Variants in TSHZ2 observed in about 807,000 individuals in gnomAD.
TSHZ2 encodes teashirt zinc finger homeobox 2.
Under a neutral mutation model 74.4 loss-of-function variants are expected in TSHZ2, and 21 were observed. The ratio of observed to expected loss-of-function variants is 0.28; its 90% CI spans 0.20 to 0.41. The LOEUF is 0.41. Ranked by LOEUF, TSHZ2 falls within the 10% of genes least tolerant of loss-of-function variation. TSHZ2 has a pLI of 1.00. For missense variants in TSHZ2, 1,244 were observed against 1,293.5 expected, an observed-to-expected ratio of 0.96 and a Z score of 0.59; for synonymous variants, 540 against 515.3, an observed-to-expected ratio of 1.05 and a Z score of -0.65.
chr20:53,309,004 G>T lies in TSHZ2; in HGVS notation c.*8+52433G>T, dbSNP rs541286981. On this transcript the variant is annotated intron_variant, in intron 2 of 2. Coordinates refer to ENST00000371497, the MANE Select transcript of TSHZ2 (RefSeq NM_173485.6). Reference sequence around the variant, plus strand: ...GAACTCAGGGGGCAAAAGACTGAAGGCCATTCAGGTTCTTCACATGAAGGG... The same window carrying T: ...GAACTCAGGGGGCAAAAGACTGAAGTCCATTCAGGTTCTTCACATGAAGGG... Among the ~76,000 whole-genome samples, 4 of 152,336 alleles carry T rather than the reference G, an allele frequency of 2.6e-5. No homozygotes were observed. The East Asian group carries it at 7.7e-4, about 29-fold the overall frequency.
At chr20:53,023,290 G>T (rs1285676951) in intron 1 of TSHZ2, among the ~76,000 whole-genome samples, 1 of 152,148 alleles carries the variant, frequency 6.6e-6, no homozygotes, top group Non-Finnish European at 1.5e-5. Flanking sequence ...CTATCCCATA[G>T]TCAGAGATAT....
At chr20:53,028,989 C>A (rs1223253705) in intron 1 of TSHZ2, among the ~76,000 whole-genome samples, 1 of 152,170 alleles carries the variant, frequency 6.6e-6, no homozygotes, top group Non-Finnish European at 1.5e-5. Context: ...TTAGTTCATT[C>A]AAAACTATGC....
chr20:53,100,648 A>G (rs1986190853), intron 1 of TSHZ2, among the ~76,000 whole-genome samples: 1 of 152,136 alleles, frequency 6.6e-6, no homozygotes, highest in Non-Finnish European at 1.5e-5. Flanking sequence ...TGATTTCACA[A>G]AAGGGTCAAA....
At chr20:53,040,733 T>C (rs1468029760) in intron 1 of TSHZ2, among the ~76,000 whole-genome samples, 1 of 152,128 alleles carries the variant, frequency 6.6e-6, no homozygotes, top group Admixed American at 6.5e-5. Flanking sequence ...GGGGACTTAG[T>C]GTCCACCCTT....
intron 1 of TSHZ2, among the ~76,000 whole-genome samples, chr20:53,137,871 G>T (rs1308637267): frequency 1.3e-5 from 2 of 152,084 alleles, no homozygotes; most frequent in African/African-American, 4.8e-5. Context: ...ACATACAAAT[G>T]AATACATTTC....
rs182308913 is a variant in TSHZ2, at chr20:53,377,883, G to C, written c.*9-109261G>C. Reference sequence around the variant, plus strand: ...GTCTCAAAAAAACAAAAGGCTACTGGCCAAGTCCCGTGGCCAGAGTTTGCT... The same window carrying C: ...GTCTCAAAAAAACAAAAGGCTACTGCCCAAGTCCCGTGGCCAGAGTTTGCT... On this transcript the variant is annotated intron_variant, in intron 2 of 2. Coordinates refer to ENST00000371497, the MANE Select transcript of TSHZ2 (RefSeq NM_173485.6). 9.5e-4 allele frequency among the ~76,000 whole-genome samples: 144 copies of C among 151,780 alleles called. 2 individuals are homozygous for C. Among genetic ancestry groups the C allele is most frequent in the Middle Eastern group, 3.4e-3 (1 of 292 alleles).
intron 1 of TSHZ2, among the ~76,000 whole-genome samples, chr20:52,989,811 TTTTAAAAGATTGTGTAAA>T (rs1312430331): frequency 6.6e-6 from 1 of 152,128 alleles, no homozygotes; most frequent in Non-Finnish European, 1.5e-5. Context: ...TCGTATATGT[TTTTAAAAGATTGTGTAAA>T]TAGTTTCACA....
At chr20:53,404,503 T>C (rs1047270124) in intron 2 of TSHZ2, among the ~76,000 whole-genome samples, 1 of 152,202 alleles carries the variant, frequency 6.6e-6, no homozygotes, top group Non-Finnish European at 1.5e-5. Context: ...AACAACCTAA[T>C]AAAAATATTA....
At chr20:53,003,799 A>G (rs1386179593) in intron 1 of TSHZ2, among the ~76,000 whole-genome samples, 1 of 152,212 alleles carries the variant, frequency 6.6e-6, no homozygotes, top group Non-Finnish European at 1.5e-5. Flanking sequence ...TTAATATTTC[A>G]TCTTGGGGAC....
chr20:53,249,299 T>C (rs1990271347), intron 1 of TSHZ2, among the ~76,000 whole-genome samples: 1 of 152,244 alleles, frequency 6.6e-6, no homozygotes, highest in Admixed American at 6.5e-5. Context: ...TCCTTTTTAC[T>C]GTGTAATCTA....
chr20:53,101,659 A>G (rs1287379834), intron 1 of TSHZ2, among the ~76,000 whole-genome samples: 1 of 152,266 alleles, frequency 6.6e-6, no homozygotes, highest in East Asian at 1.9e-4. Context: ...ATTATATTCT[A>G]TTGAGTCACA....
Position 53,261,305 on chromosome 20 carries a change from G to A in TSHZ2, c.*8+4734G>A, listed in dbSNP as rs559138335. Among the ~76,000 whole-genome samples the A allele has an allele frequency of 4.6e-5, 7 of 152,332 alleles. No individual in the cohort carries two copies. The South Asian group carries it at 1.2e-3, about 27-fold the overall frequency. On this transcript the variant is annotated intron_variant, in intron 2 of 2. Transcript: ENST00000371497. Reference sequence around the variant, plus strand: ...CTCAGGGGCCCAGGACTGACCCGCAGGGTGAAGCAGAACATCCTTGTTCTC... The same window carrying A: ...CTCAGGGGCCCAGGACTGACCCGCAAGGTGAAGCAGAACATCCTTGTTCTC...
chr20:53,208,413 T>C (rs879098614), intron 1 of TSHZ2, among the ~76,000 whole-genome samples: 1 of 152,160 alleles, frequency 6.6e-6, no homozygotes, highest in Admixed American at 6.5e-5. Context: ...TTGTTTCTCA[T>C]TTAATCCTGG....
intron 1 of TSHZ2, among the ~76,000 whole-genome samples, chr20:53,168,360 C>T (rs1988110424): frequency 6.6e-6 from 1 of 152,140 alleles, no homozygotes. Flanking sequence ...GAAATGAAAA[C>T]CACTGGCTTA....
At chr20:53,183,370 G>A (rs1046467204) in intron 1 of TSHZ2, among the ~76,000 whole-genome samples, 1 of 152,184 alleles carries the variant, frequency 6.6e-6, no homozygotes, top group Non-Finnish European at 1.5e-5. Flanking sequence ...CCTGAGTGAA[G>A]ATGCTGCTCG....
Position 53,107,576 on chromosome 20 carries a change from G to A in TSHZ2, c.40+134243G>A, listed in dbSNP as rs575933535. Among the ~76,000 whole-genome samples, 3 of 152,340 alleles carry A rather than the reference G, an allele frequency of 2.0e-5. No homozygotes were observed. The East Asian group carries it at 5.8e-4, about 29-fold the overall frequency. On this transcript the variant is annotated intron_variant, in intron 1 of 2. Transcript: ENST00000371497. ...TTCTGAGCCAAAATCAGGACATGGT[G>A]TGTAATAGCATCTAGGACAAGGGTC...
At chr20:53,455,714 C>T (rs1306550046) in intron 2 of TSHZ2, among the ~76,000 whole-genome samples, 1 of 150,182 alleles carries the variant, frequency 6.7e-6, no homozygotes, top group East Asian at 2.0e-4. Context: ...CCCTCCCCCG[C>T]CCCACCCCAC....
chr20:53,183,612 C>T (rs916660253), intron 1 of TSHZ2, among the ~76,000 whole-genome samples: 1 of 152,132 alleles, frequency 6.6e-6, no homozygotes, highest in Non-Finnish European at 1.5e-5. Flanking sequence ...TACTCAGCTT[C>T]CTCTCACATT....
At chr20:53,423,873 G>T (rs552918793) in intron 2 of TSHZ2, among the ~76,000 whole-genome samples, 3 of 152,292 alleles carry the variant, frequency 2.0e-5, no homozygotes, top group Admixed American at 2.0e-4. Context: ...TATTTGCAAG[G>T]TCTGGAGACA....
Sources: allele counts gnomAD v4.1 joint callset (sites outside exome capture counted in the v4.1 genomes callset), GRCh38; gene constraint gnomAD v4.1.1; transcripts MANE v1.5; gene names NCBI Gene and HGNC (gene_info 2026-07-23, HGNC 2026-07-21).